Variants in SEC23A observed in about 807,000 individuals in gnomAD.
SEC23A encodes the protein SEC23 homolog A, COPII component.
In SEC23A, 56 loss-of-function variants were observed where a neutral mutation model predicts 103.7. The observed-to-expected ratio is 0.54, with a 90% CI of 0.44 to 0.67. The LOEUF (loss-of-function observed/expected upper bound fraction) is 0.67, where lower values mean the gene tolerates loss of function less well. Among genes scored for constraint, SEC23A ranks in the 30% least tolerant of loss-of-function variants. The probability of loss-of-function intolerance (pLI) is 0.00; values close to 1 mark genes in which losing one functional copy is unlikely to be tolerated. For synonymous variants in SEC23A, 281 were observed against 293.0 expected (o/e 0.96, Z 0.42); for missense variants, 784 against 936.4 (o/e 0.84, Z 2.12).
chr14:39,063,293 C>G, intron 12 of SEC23A, 31 bp downstream of exon 12: 1 of 1,292,038 alleles, frequency 7.7e-7, no homozygotes, highest in Non-Finnish European at 1.1e-6. Flanking sequence ...GTACGTTGTA[C>G]GTTTTGATAT....
Position 39,074,508 on chromosome 14 carries a change from C to T in SEC23A, c.1010G>A (p.Arg337Gln), listed in dbSNP as rs777167724. Residue 337 changes from arginine (R) to glutamine (Q), a missense_variant, in exon 9 of 20, where the codon CGA becomes CAA. Arg to Gln is a conservative substitution (Grantham distance 43, BLOSUM62 1). Transcript: ENST00000307712. ...GTKHFEALAN[R>Q]AATTGHVIDI... ...AATAACATGGCCAGTTGTAGCAGCT[C>T]GATTAGCCAATGCTTCAAAATGCTA... 6 of 1,611,076 alleles carry T rather than the reference C, an allele frequency of 3.7e-6. No individual in the cohort carries two copies. The highest frequency in any genetic ancestry group is 1.1e-5 in the South Asian group (1 of 90,932).
chr14:39,055,957 G>A (rs1462127262), intron 13 of SEC23A, among the ~76,000 whole-genome samples: 2 of 152,214 alleles, frequency 1.3e-5, no homozygotes, highest in African/African-American at 2.4e-5. Flanking sequence ...CCATCTAGGC[G>A]CTATAGCGAA....
chr14:39,081,715 A>G (rs1009830626), intron 7 of SEC23A, among the ~76,000 whole-genome samples: 19 of 152,200 alleles, frequency 1.2e-4, no homozygotes, highest in African/African-American at 4.3e-4. Flanking sequence ...ACCCTGTGGT[A>G]CTGAATTGAA....
chr14:39,059,295 A>AAAAAC (rs1886379150), intron 13 of SEC23A, among the ~76,000 whole-genome samples: 1 of 115,612 alleles, frequency 8.6e-6, no homozygotes, highest in Non-Finnish European at 1.9e-5. Context: ...AAAAAAAAAA[A>AAAAAC]AAAAAAAAAA....
chr14:39,098,389 T>G (rs1176310263), intron 1 of SEC23A, among the ~76,000 whole-genome samples: 1 of 152,138 alleles, frequency 6.6e-6, no homozygotes, highest in Non-Finnish European at 1.5e-5. Context: ...ATACAGAACA[T>G]AAGGCAAATA....
intron 10 of SEC23A, 68 bp from the exon 11 acceptor site, chr14:39,065,061 A>G (rs1349101780): frequency 6.5e-6 from 6 of 928,654 alleles, no homozygotes; most frequent in Non-Finnish European, 9.0e-6. Context: ...CTACAGGTGT[A>G]TAAGAATATA....
At chr14:39,094,576 C>T (rs1218964436) in intron 2 of SEC23A, among the ~76,000 whole-genome samples, 7 of 151,132 alleles carry the variant, frequency 4.6e-5, no homozygotes, top group African/African-American at 1.7e-4. Flanking sequence ...AATACTTTTA[C>T]ATTGTAATAA....
chr14:39,087,414 C>T (rs1417770620), intron 5 of SEC23A: 1 of 190,902 alleles, frequency 5.2e-6, no homozygotes, highest in Admixed American at 5.5e-5. Flanking sequence ...TCCCTTCCCT[C>T]ATGGAAATTA....
chr14:39,039,522 A>C, intron 18 of SEC23A: 1 of 172,936 alleles, frequency 5.8e-6, no homozygotes, highest in Non-Finnish European at 1.2e-5. Context: ...TGATTCTATG[A>C]GACAAGTGAT....
chr14:39,060,384 A>C (rs1172549649), intron 13 of SEC23A, among the ~76,000 whole-genome samples: 1 of 152,196 alleles, frequency 6.6e-6, no homozygotes, highest in Non-Finnish European at 1.5e-5. Flanking sequence ...GTTCATGTCC[A>C]TCACTCAACA....
At chr14:39,083,334 C>G (rs548576898) in intron 7 of SEC23A, among the ~76,000 whole-genome samples, 88 of 152,130 alleles carry the variant, frequency 5.8e-4, no homozygotes, top group African/African-American at 1.9e-3. Flanking sequence ...AAGAATGCAC[C>G]TACCTGTGTC....
intron 7 of SEC23A, among the ~76,000 whole-genome samples, chr14:39,076,821 G>T (rs1008415248): frequency 6.6e-6 from 1 of 151,832 alleles, no homozygotes; most frequent in Non-Finnish European, 1.5e-5. Flanking sequence ...CACCTACTCG[G>T]GAGGCTGAGG....
intron 7 of SEC23A, among the ~76,000 whole-genome samples, chr14:39,080,608 G>A (rs1336276678): frequency 6.6e-6 from 1 of 152,008 alleles, no homozygotes; most frequent in Non-Finnish European, 1.5e-5. Context: ...ATTTCACCAC[G>A]TTGGCCAGGC....
chr14:39,044,700 T>A (rs937850109), intron 16 of SEC23A, among the ~76,000 whole-genome samples: 3 of 152,204 alleles, frequency 2.0e-5, no homozygotes, highest in African/African-American at 7.2e-5. Flanking sequence ...TGTGTCTTTA[T>A]AATCAACTAT....
chr14:39,040,449 A>G, intron 18 of SEC23A: 1 of 424,896 alleles, frequency 2.4e-6, no homozygotes, highest in Non-Finnish European at 4.2e-6. Flanking sequence ...TTCTTGTTCA[A>G]CCAAAGCTAG....
At chr14:39,090,935 T>C in intron 5 of SEC23A, 1 of 319,100 alleles carries the variant, frequency 3.1e-6, no homozygotes, top group Middle Eastern at 1.1e-3. Flanking sequence ...AGGAGCTTCA[T>C]CTGCAATGTA....
chr14:39,086,149 C>T (rs368878119), intron 6 of SEC23A, among the ~76,000 whole-genome samples: 23 of 152,088 alleles, frequency 1.5e-4, no homozygotes, highest in African/African-American at 5.6e-4. Context: ...GCATTTCAAA[C>T]GCATTCCTAG....
chr14:39,091,068 T>G, intron 5 of SEC23A: 1 of 416,640 alleles, frequency 2.4e-6, no homozygotes. Context: ...CTGAGGAGTA[T>G]GATGATGACA....
intron 6 of SEC23A, among the ~76,000 whole-genome samples, chr14:39,086,597 C>G (rs1229609849): frequency 1.2e-4 from 18 of 152,004 alleles, no homozygotes; most frequent in Admixed American, 6.6e-4. Context: ...ACTCCAGAAA[C>G]CTTAGCGGGA....
Sources: allele counts gnomAD v4.1 joint callset (sites outside exome capture counted in the v4.1 genomes callset), GRCh38; gene constraint gnomAD v4.1.1; transcripts MANE v1.5; gene names NCBI Gene and HGNC (gene_info 2026-07-23, HGNC 2026-07-21).